The following PSD3 variants were observed in gnomAD, a reference collection of about 807,000 sequenced individuals.
The protein encoded by PSD3 is PH and SEC7 domain-containing protein 3.
A neutral mutation model predicts 105.5 loss-of-function variants in PSD3; 49 were observed. That is an observed-to-expected ratio of 0.46 (90% CI 0.37 to 0.59). PSD3 has a LOEUF of 0.59. Among genes scored for constraint, PSD3 ranks in the 20% least tolerant of loss-of-function variants. The pLI is 0.00. For missense variants in PSD3, 1,561 were observed against 1,263.8 expected (o/e 1.24, Z -3.57); for synonymous variants, 557 against 457.8 (o/e 1.22, Z -2.77).
intron 1 of PSD3, among the ~76,000 whole-genome samples, chr8:19,031,429 T>A (rs962672845): frequency 1.3e-5 from 2 of 152,194 alleles, no homozygotes; most frequent in Admixed American, 1.3e-4. Flanking sequence ...TTTAATAACA[T>A]TTGGCATACT....
intron 14 of PSD3, among the ~76,000 whole-genome samples, chr8:18,559,156 G>C (rs1042393422): frequency 1.3e-5 from 2 of 152,096 alleles, no homozygotes; most frequent in African/African-American, 4.8e-5. Context: ...CAAAGTGTTG[G>C]CATTTCTGGG....
intron 8 of PSD3, among the ~76,000 whole-genome samples, chr8:18,772,971 A>G (rs1013301314): frequency 2.0e-5 from 3 of 152,140 alleles, no homozygotes; most frequent in Non-Finnish European, 4.4e-5. Context: ...ATTTTATTCT[A>G]TTCTGTAGGT....
At chr8:18,629,197 C>A (rs543491842) in intron 11 of PSD3, among the ~76,000 whole-genome samples, 1 of 151,864 alleles carries the variant, frequency 6.6e-6, no homozygotes, top group African/African-American at 2.4e-5. Context: ...CCAGGGGTGT[C>A]GGACGTCATT....
intron 4 of PSD3, among the ~76,000 whole-genome samples, chr8:18,840,676 T>C (rs924610806): frequency 2.6e-5 from 4 of 152,170 alleles, no homozygotes; most frequent in South Asian, 2.1e-4. Flanking sequence ...GTGGCAGAGC[T>C]GGAATGTGTA....
At chr8:18,702,623 CTTTT>C (rs1372082068) in intron 9 of PSD3, among the ~76,000 whole-genome samples, 1 of 151,018 alleles carries the variant, frequency 6.6e-6, no homozygotes, top group Non-Finnish European at 1.5e-5. Context: ...TTCTTTCTTT[CTTTT>C]TTTGAGATGG....
chr8:18,679,503 T>G (rs749706680), intron 9 of PSD3, among the ~76,000 whole-genome samples: 4 of 152,230 alleles, frequency 2.6e-5, no homozygotes, highest in Non-Finnish European at 4.4e-5. Context: ...AGAATACATA[T>G]AAAACTACCT....
At chr8:18,607,103 G>A (rs114643402) in intron 11 of PSD3, among the ~76,000 whole-genome samples, 1 of 152,088 alleles carries the variant, frequency 6.6e-6, no homozygotes, top group East Asian at 1.9e-4. Flanking sequence ...CCTGTGAGGT[G>A]GGCACTGAAG....
chr8:18,666,623 C>A (rs942520049), intron 9 of PSD3, among the ~76,000 whole-genome samples: 1 of 151,864 alleles, frequency 6.6e-6, no homozygotes, highest in Non-Finnish European at 1.5e-5. Context: ...CAGGGAGAGA[C>A]TCCGGGGGTT....
intron 9 of PSD3, among the ~76,000 whole-genome samples, chr8:18,748,360 G>A (rs1352690397): frequency 1.3e-5 from 2 of 152,036 alleles, no homozygotes; most frequent in South Asian, 2.1e-4. Flanking sequence ...AGAGAGTAAC[G>A]CTAATAAAGA....
intron 1 of PSD3, among the ~76,000 whole-genome samples, chr8:18,990,016 A>G (rs1825706201): frequency 6.6e-6 from 1 of 151,846 alleles, no homozygotes; most frequent in African/African-American, 2.4e-5. Flanking sequence ...CTTACACCCC[A>G]TCAATCATCA....
At chr8:18,926,272 T>C (rs939777703) in intron 2 of PSD3, among the ~76,000 whole-genome samples, 1 of 151,976 alleles carries the variant, frequency 6.6e-6, no homozygotes, top group Non-Finnish European at 1.5e-5. Flanking sequence ...ATTCTGATGA[T>C]TCAGCATACA....
chr8:18,944,923 T>G (rs1381297922), intron 1 of PSD3, among the ~76,000 whole-genome samples: 1 of 152,218 alleles, frequency 6.6e-6, no homozygotes, highest in Non-Finnish European at 1.5e-5. Flanking sequence ...ATTTTCCATC[T>G]GCCCTAGAAT....
intron 10 of PSD3, among the ~76,000 whole-genome samples, chr8:18,633,117 A>G (rs1807018377): frequency 6.6e-6 from 1 of 152,068 alleles, no homozygotes. Context: ...TAAAATCCCT[A>G]AAGTCATTGG....
At chr8:18,904,978 T>A (rs1343544622) in intron 2 of PSD3, among the ~76,000 whole-genome samples, 1 of 152,238 alleles carries the variant, frequency 6.6e-6, no homozygotes, top group East Asian at 1.9e-4. Flanking sequence ...TACTGCTATC[T>A]TGCTGGCACT....
chr8:18,655,603 G>C, intron 10 of PSD3, 39 bp downstream of exon 10: 7 of 1,587,872 alleles, frequency 4.4e-6, no homozygotes, highest in South Asian at 1.1e-5. Context: ...AAAAAAGTGA[G>C]TAGTTCATTA....
chr8:18,828,067 A>ATTT (rs71218905), intron 4 of PSD3, among the ~76,000 whole-genome samples: 15,628 of 118,752 alleles, frequency 0.13, 1,229 homozygotes, highest in Admixed American at 0.23. Flanking sequence ...ATATATATAT[A>ATTT]TTTTTTTTTT....
rs1450652517 is a variant in PSD3, at chr8:18,765,439, C to G, written c.2172+10G>C. 5 of 1,590,856 alleles carry G rather than the reference C, an allele frequency of 3.1e-6. No homozygotes were observed. Among genetic ancestry groups the G allele is most frequent in the African/African-American group, 1.3e-5 (1 of 74,394 alleles). Reference sequence around the variant, plus strand: ...AAGCATACACTAAAAACCAATAGTTCCATGCTTACTTTCAGCAGATCCTTG... The same window carrying G: ...AAGCATACACTAAAAACCAATAGTTGCATGCTTACTTTCAGCAGATCCTTG... On this transcript the variant is annotated intron_variant, in intron 9 of 15. Coordinates refer to ENST00000327040, the MANE Select transcript of PSD3 (RefSeq NM_015310.4).
chr8:18,626,765 C>G (rs975174171), intron 11 of PSD3, among the ~76,000 whole-genome samples: 1 of 152,202 alleles, frequency 6.6e-6, no homozygotes, highest in East Asian at 1.9e-4. Context: ...GTTAGATAAA[C>G]CTGTTCAACC....
At chr8:18,736,828 A>G (rs1337581634) in intron 9 of PSD3, among the ~76,000 whole-genome samples, 1 of 152,196 alleles carries the variant, frequency 6.6e-6, no homozygotes, top group Non-Finnish European at 1.5e-5. Context: ...TTGTTTTTCC[A>G]AAGGTAAATT....
Sources: gnomAD v4.1 joint callset for allele counts (sites outside exome capture counted in the v4.1 genomes callset) on GRCh38, gnomAD v4.1.1 for gene constraint, MANE v1.5 for transcripts, NCBI Gene and HGNC (gene_info 2026-07-23, HGNC 2026-07-21) for gene names.